PTPN22: variants seen among roughly 807,000 people sequenced by gnomAD.
The protein encoded by PTPN22 is protein tyrosine phosphatase non-receptor type 22, also known as tyrosine-protein phosphatase non-receptor type 22.
In PTPN22, 85 loss-of-function variants were observed where a neutral mutation model predicts 103.3. The observed-to-expected ratio is 0.82, with a 90% CI of 0.69 to 0.99. The LOEUF (loss-of-function observed/expected upper bound fraction) is 0.99. Ranked by LOEUF, PTPN22 falls within the 50% of genes least tolerant of loss-of-function variation. The pLI is 0.00. For missense variants in PTPN22, 865 were observed against 936.9 expected (o/e 0.92, Z 1.00); for synonymous variants, 323 against 310.2 (o/e 1.04, Z -0.43).
rs372248165 is a variant in PTPN22, at chr1:113,816,248, G to C, written c.2360-1279C>G. Among the ~76,000 whole-genome samples, 124 of 152,188 alleles carry C rather than the reference G, an allele frequency of 8.1e-4. 2 individuals carry two copies. The South Asian group carries it at 0.025, about 31-fold the overall frequency. ...CACACTTTGGGAGGCCAAGGCAGGT[G>C]GATCGCTTGAGCCGAGGAGTTCAAG... On this transcript the variant is annotated intron_variant, in intron 20 of 20. Transcript: ENST00000359785.
chr1:113,848,102 G>A (rs548063442), intron 11 of PTPN22, among the ~76,000 whole-genome samples: 2 of 152,188 alleles, frequency 1.3e-5, no homozygotes, highest in East Asian at 1.9e-4. Flanking sequence ...AGGCTGGAGT[G>A]CTGTGGTGCC....
intron 19 of PTPN22, among the ~76,000 whole-genome samples, chr1:113,820,382 T>C (rs191694298): frequency 6.6e-6 from 1 of 152,188 alleles, no homozygotes; most frequent in East Asian, 1.9e-4. Context: ...TGATCCAACC[T>C]GGGAGGCAGA....
At chr1:113,824,106 C>CTTT (rs57935879) in intron 19 of PTPN22, among the ~76,000 whole-genome samples, 4 of 146,752 alleles carry the variant, frequency 2.7e-5, no homozygotes, top group Non-Finnish European at 3.0e-5. Flanking sequence ...CACCATGGTT[C>CTTT]TTTTTTTTTT....
At chr1:113,837,961 C>G (rs779556517) in exon 13 of PTPN22, 1 of 1,614,110 alleles carries the variant, frequency 6.2e-7, no homozygotes, top group Non-Finnish European at 8.5e-7. Flanking sequence ...CTCTACAAAA[C>G]AAGAATCATG....
chr1:113,846,362 G>A (rs1664048724), intron 11 of PTPN22, among the ~76,000 whole-genome samples: 1 of 151,968 alleles, frequency 6.6e-6, no homozygotes, highest in Non-Finnish European at 1.5e-5. Context: ...CTCTACTGGT[G>A]TTATCATTTT....
At chr1:113,854,657 C>T in intron 8 of PTPN22, 120 bp from the exon 9 acceptor site, 2 of 1,097,904 alleles carry the variant, frequency 1.8e-6, no homozygotes, top group South Asian at 1.5e-5. Context: ...GACAATTAAA[C>T]TTTCCAAACC....
intron 1 of PTPN22, among the ~76,000 whole-genome samples, chr1:113,863,578 G>A (rs1665813763): frequency 6.6e-6 from 1 of 152,184 alleles, no homozygotes; most frequent in African/African-American, 2.4e-5. Flanking sequence ...TGATAAATAT[G>A]TTCAAGTGAT....
intron 9 of PTPN22, among the ~76,000 whole-genome samples, chr1:113,853,859 C>CTTTTTTT (rs894010114): frequency 4.3e-4 from 29 of 67,152 alleles, no homozygotes; most frequent in South Asian, 6.7e-4. Context: ...TTTTTTTTTG[C>CTTTTTTT]TTTTTTTTTT....
intron 1 of PTPN22, among the ~76,000 whole-genome samples, chr1:113,869,811 GCAGGGA>G (rs1666428918): frequency 6.6e-6 from 1 of 152,142 alleles, no homozygotes; most frequent in Admixed American, 6.6e-5. Context: ...TAGTCCAGGG[GCAGGGA>G]CATGTATACA....
intron 4 of PTPN22, among the ~76,000 whole-genome samples, 183 bp downstream of exon 4, chr1:113,858,295 C>T (rs545952952): frequency 6.6e-6 from 1 of 152,146 alleles, no homozygotes; most frequent in African/African-American, 2.4e-5. Context: ...TAGGCTCAAG[C>T]TATCCACCCC....
At chr1:113,846,381 A>T (rs999386352) in intron 11 of PTPN22, among the ~76,000 whole-genome samples, 9 of 152,120 alleles carry the variant, frequency 5.9e-5, no homozygotes, top group Non-Finnish European at 8.8e-5. Context: ...TTACCAGTTC[A>T]AGTGTGGAAG....
intron 11 of PTPN22, among the ~76,000 whole-genome samples, chr1:113,839,836 A>G (rs1663371667): frequency 6.6e-6 from 1 of 152,162 alleles, no homozygotes; most frequent in Non-Finnish European, 1.5e-5. Context: ...TACCACTTCT[A>G]TTCAACATAG....
intron 18 of PTPN22, 129 bp downstream of exon 18, chr1:113,829,463 T>C (rs1407333583): frequency 2.0e-6 from 1 of 511,058 alleles, no homozygotes; most frequent in Non-Finnish European, 3.4e-6. Context: ...TAATTTTGAC[T>C]GTTATAATAT....
chr1:113,838,700 G>T, intron 11 of PTPN22, 80 bp from the exon 12 acceptor site: 1 of 1,513,302 alleles, frequency 6.6e-7, no homozygotes, highest in Non-Finnish European at 8.8e-7. Context: ...AGGCTGAAAA[G>T]TAATTTTTCA....
At chr1:113,840,475 A>C (rs1746853) in intron 11 of PTPN22, among the ~76,000 whole-genome samples, 72,876 of 151,988 alleles carry the variant, frequency 0.48, 18,386 homozygotes, top group African/African-American at 0.64. Context: ...AATAGATTTA[A>C]CCAAGGAGGC....
At chr1:113,868,903 TA>T (rs1666337153) in intron 1 of PTPN22, among the ~76,000 whole-genome samples, 1 of 152,150 alleles carries the variant, frequency 6.6e-6, no homozygotes, top group South Asian at 2.1e-4. Context: ...TAAAAAAAAC[TA>T]TAACAAGTTT....
intron 1 of PTPN22, among the ~76,000 whole-genome samples, chr1:113,869,077 G>A (rs762675221): frequency 2.6e-5 from 4 of 152,110 alleles, no homozygotes; most frequent in Non-Finnish European, 4.4e-5. Context: ...TTAGCCAGGC[G>A]TGGTGGCTCA....
intron 11 of PTPN22, among the ~76,000 whole-genome samples, chr1:113,845,450 G>A (rs1296172317): frequency 6.6e-6 from 1 of 151,964 alleles, no homozygotes; most frequent in Non-Finnish European, 1.5e-5. Flanking sequence ...TGATCCGTCT[G>A]TCTTGGCCTC....
intron 11 of PTPN22, among the ~76,000 whole-genome samples, chr1:113,846,693 C>T (rs773546057): frequency 2.0e-5 from 3 of 152,094 alleles, no homozygotes; most frequent in African/African-American, 7.2e-5. Context: ...GTCTTGATTT[C>T]CCCTTCAGCC....
Sources: gnomAD v4.1 joint callset for allele counts (sites outside exome capture counted in the v4.1 genomes callset) on GRCh38, gnomAD v4.1.1 for gene constraint, MANE v1.5 for transcripts, NCBI Gene and HGNC (gene_info 2026-07-23, HGNC 2026-07-21) for gene names.